The following GALNTL6 variants were observed in gnomAD, a reference collection of about 807,000 sequenced individuals.
The protein encoded by GALNTL6 is polypeptide N-acetylgalactosaminyltransferase-like 6.
A neutral mutation model predicts 73.7 loss-of-function variants in GALNTL6; 46 were observed. The observed-to-expected ratio is 0.62, with a 90% CI of 0.49 to 0.80. The LOEUF (loss-of-function observed/expected upper bound fraction) is 0.80, where lower values mean the gene tolerates loss of function less well. GALNTL6 is among the 30% of genes least tolerant of loss of function. The probability of loss-of-function intolerance (pLI) is 0.00; values close to 1 mark genes in which losing one functional copy is unlikely to be tolerated. For missense variants in GALNTL6, 604 were observed against 755.0 expected (o/e 0.80, Z 2.34); for synonymous variants, 259 against 263.7 (o/e 0.98, Z 0.17).
intron 2 of GALNTL6, among the ~76,000 whole-genome samples, chr4:171,898,588 G>A (rs1351678993): frequency 6.6e-6 from 1 of 152,028 alleles, no homozygotes; most frequent in Admixed American, 6.6e-5. Flanking sequence ...ATGTAAGGAA[G>A]CCAGAAGAAT....
chr4:172,834,926 CT>C (rs1393149058), intron 7 of GALNTL6, among the ~76,000 whole-genome samples: 3 of 152,146 alleles, frequency 2.0e-5, no homozygotes, highest in Non-Finnish European at 2.9e-5. Flanking sequence ...AAACTTTAAA[CT>C]GGGGGAAAAT....
chr4:172,532,836 A>G (rs1021635272), intron 5 of GALNTL6, among the ~76,000 whole-genome samples: 2 of 152,146 alleles, frequency 1.3e-5, no homozygotes, highest in African/African-American at 4.8e-5. Context: ...ATTGCACTAG[A>G]TAAGTTGAAC....
chr4:172,854,262 A>C (rs989728908), intron 7 of GALNTL6, among the ~76,000 whole-genome samples: 18 of 148,668 alleles, frequency 1.2e-4, no homozygotes, highest in African/African-American at 4.5e-4. Flanking sequence ...CAATCTCCAC[A>C]CTCGGTGGGC....
intron 5 of GALNTL6, among the ~76,000 whole-genome samples, chr4:172,754,443 A>T (rs1442146825): frequency 6.6e-6 from 1 of 152,106 alleles, no homozygotes; most frequent in African/African-American, 2.4e-5. Context: ...GTGATGGTGC[A>T]TGCCTGTAAT....
chr4:172,108,669 A>T (rs1298468516), intron 2 of GALNTL6, among the ~76,000 whole-genome samples: 1 of 152,134 alleles, frequency 6.6e-6, no homozygotes, highest in East Asian at 1.9e-4. Flanking sequence ...TCAAGTTGAC[A>T]CATAAAATTA....
At chr4:172,981,383 G>T (rs563113628) in intron 10 of GALNTL6, among the ~76,000 whole-genome samples, 1 of 152,084 alleles carries the variant, frequency 6.6e-6, no homozygotes, top group South Asian at 2.1e-4. Context: ...ACTGTTGCTG[G>T]GTTTTTTTAA....
At chr4:172,632,519 G>A (rs1370264340) in intron 5 of GALNTL6, among the ~76,000 whole-genome samples, 1 of 152,042 alleles carries the variant, frequency 6.6e-6, no homozygotes, top group African/African-American at 2.4e-5. Flanking sequence ...TTGAACTTGA[G>A]AGAGATAATT....
chr4:171,927,018 C>T (rs1480338913), intron 2 of GALNTL6, among the ~76,000 whole-genome samples: 1 of 151,164 alleles, frequency 6.6e-6, no homozygotes, highest in African/African-American at 2.4e-5. Context: ...TTATTTTAAC[C>T]TATACGTAAT....
chr4:173,038,611 A>G (rs2126546573), intron 12 of GALNTL6, among the ~76,000 whole-genome samples: 1 of 152,356 alleles, frequency 6.6e-6, no homozygotes, highest in Middle Eastern at 3.4e-3. Flanking sequence ...AGAAGAGAAT[A>G]GCAAGCCTTT....
intron 5 of GALNTL6, among the ~76,000 whole-genome samples, chr4:172,783,256 T>C (rs575943957): frequency 6.6e-6 from 1 of 150,844 alleles, no homozygotes; most frequent in East Asian, 1.9e-4. Context: ...ACTATGTTCA[T>C]GGATTTGGAA....
At chr4:172,762,885 G>T (rs1169708502) in intron 5 of GALNTL6, among the ~76,000 whole-genome samples, 1 of 136,400 alleles carries the variant, frequency 7.3e-6, no homozygotes, top group Non-Finnish European at 1.6e-5. Context: ...TCCCAGTAAG[G>T]AAGATAAATA....
intron 3 of GALNTL6, among the ~76,000 whole-genome samples, chr4:172,247,867 C>T (rs1362285473): frequency 6.6e-6 from 1 of 151,926 alleles, no homozygotes; most frequent in Non-Finnish European, 1.5e-5. Flanking sequence ...TAATCAAAAT[C>T]ATGATATTGT....
At chr4:172,335,138 G>A (rs554535076) in intron 4 of GALNTL6, among the ~76,000 whole-genome samples, 11 of 151,852 alleles carry the variant, frequency 7.2e-5, no homozygotes, top group South Asian at 2.1e-4. Flanking sequence ...TAGTAGAGAC[G>A]GGTTTCACCG....
intron 5 of GALNTL6, among the ~76,000 whole-genome samples, chr4:172,422,276 C>T (rs1322488559): frequency 6.6e-6 from 1 of 152,110 alleles, no homozygotes; most frequent in Non-Finnish European, 1.5e-5. Flanking sequence ...GCCCTCATTG[C>T]ACTTTCATCT....
chr4:172,057,329 A>C (rs1466388669), intron 2 of GALNTL6, among the ~76,000 whole-genome samples: 1 of 151,894 alleles, frequency 6.6e-6, no homozygotes, highest in Non-Finnish European at 1.5e-5. Flanking sequence ...TGGAAGGATC[A>C]CTTGAGCCCA....
intron 5 of GALNTL6, among the ~76,000 whole-genome samples, chr4:172,734,074 G>T (rs1736308829): frequency 6.6e-6 from 1 of 152,148 alleles, no homozygotes; most frequent in Non-Finnish European, 1.5e-5. Context: ...GAACTTGTTG[G>T]GAACTGGAGT....
intron 2 of GALNTL6, among the ~76,000 whole-genome samples, chr4:171,954,578 C>T (rs542845243): frequency 1.3e-5 from 2 of 152,246 alleles, no homozygotes; most frequent in South Asian, 4.1e-4. Context: ...TAGATAAGTA[C>T]ATACATATTT....
intron 5 of GALNTL6, among the ~76,000 whole-genome samples, chr4:172,737,286 T>C (rs1223779285): frequency 6.6e-6 from 1 of 152,178 alleles, no homozygotes; most frequent in African/African-American, 2.4e-5. Context: ...GTCTTGCAGG[T>C]GGTCTTTATT....
chr4:171,838,699 C>T (rs1176071657), intron 2 of GALNTL6, among the ~76,000 whole-genome samples: 2 of 152,086 alleles, frequency 1.3e-5, no homozygotes, highest in Non-Finnish European at 2.9e-5. Context: ...ATGAGTTGGG[C>T]TAAGCAACAA....
Sources: gnomAD v4.1 joint callset for allele counts (sites outside exome capture counted in the v4.1 genomes callset) on GRCh38, gnomAD v4.1.1 for gene constraint, MANE v1.5 for transcripts, NCBI Gene and HGNC (gene_info 2026-07-23, HGNC 2026-07-21) for gene names.